C10orf143: variants seen among roughly 807,000 people sequenced by gnomAD.
C10orf143 encodes chromosome 10 open reading frame 143, also known as uncharacterized protein C10orf143.
At chr10:130,043,610 G>T (rs1266292715) in intron 3 of C10orf143, among the ~76,000 whole-genome samples, 4 of 152,182 alleles carry the variant, frequency 2.6e-5, no homozygotes, top group South Asian at 4.1e-4. Context: ...CAAGGGGCAG[G>T]TTGGGGGAAC....
At chr10:130,039,927 C>G (rs766624116) in intron 3 of C10orf143, among the ~76,000 whole-genome samples, 5 of 152,156 alleles carry the variant, frequency 3.3e-5, no homozygotes, top group Non-Finnish European at 7.3e-5. Context: ...CAGCAATGTG[C>G]AGGGTTTGGG....
downstream of C10orf143, among the ~76,000 whole-genome samples, chr10:130,061,735 T>C (rs2134741939): frequency 6.6e-6 from 1 of 152,344 alleles, no homozygotes; most frequent in South Asian, 2.1e-4. Flanking sequence ...CATGGGTGCA[T>C]CAAGACCCAG....
At chr10:130,104,279 T>C (rs959408560) in intron 1 of C10orf143, 5 of 150,398 alleles carry the variant, frequency 3.3e-5, no homozygotes, top group African/African-American at 1.3e-4. Context: ...CTATGACACA[T>C]GTGACCACGC....
intron 1 of C10orf143, among the ~76,000 whole-genome samples, chr10:130,085,337 G>A (rs773422058): frequency 6.6e-6 from 1 of 152,148 alleles, no homozygotes; most frequent in Non-Finnish European, 1.5e-5. Flanking sequence ...GCAGTAATGG[G>A]ACACAATACC....
intron 1 of C10orf143, among the ~76,000 whole-genome samples, chr10:130,100,229 G>C (rs1427853033): frequency 6.6e-6 from 1 of 151,930 alleles, no homozygotes; most frequent in Non-Finnish European, 1.5e-5. Flanking sequence ...TGCATGAACT[G>C]ACCAAAAATG....
intron 1 of C10orf143, among the ~76,000 whole-genome samples, chr10:130,084,079 G>A (rs1021032193): frequency 2.0e-5 from 3 of 152,172 alleles, no homozygotes; most frequent in Non-Finnish European, 4.4e-5. Context: ...GGGAGGCCAA[G>A]GTGGGCAGAT....
At chr10:130,107,728 G>A (rs1383723229) in intron 1 of C10orf143, 1 of 1,239,892 alleles carries the variant, frequency 8.1e-7, no homozygotes, top group Non-Finnish European at 1.2e-6. Flanking sequence ...GAGGCCCAGG[G>A]AATCCTCTGG....
intron 3 of C10orf143, among the ~76,000 whole-genome samples, chr10:130,072,986 G>A (rs910804391): frequency 1.3e-5 from 2 of 152,184 alleles, no homozygotes; most frequent in Admixed American, 6.5e-5. Context: ...ACAATAAAGT[G>A]AAGTGCAATA....
At chr10:130,088,249 T>C (rs1411061021) in intron 1 of C10orf143, among the ~76,000 whole-genome samples, 3 of 152,088 alleles carry the variant, frequency 2.0e-5, no homozygotes, top group Non-Finnish European at 4.4e-5. Context: ...CCAGGCGTGG[T>C]GGCACGTGCC....
intron 1 of C10orf143, 150 bp downstream of exon 1, chr10:130,110,554 C>T: frequency 2.5e-6 from 1 of 394,964 alleles, no homozygotes; most frequent in Admixed American, 4.4e-5. Flanking sequence ...TCACTGGCCA[C>T]GCCCTCCCAG....
downstream of C10orf143, among the ~76,000 whole-genome samples, chr10:130,059,125 A>G (rs762545270): frequency 1.3e-5 from 2 of 152,216 alleles, no homozygotes; most frequent in African/African-American, 2.4e-5. Flanking sequence ...ACCCTCCAGA[A>G]AGTTGTAGCT....
intron 3 of C10orf143, among the ~76,000 whole-genome samples, chr10:130,055,489 C>T (rs1024865243): frequency 8.5e-5 from 13 of 152,194 alleles, no homozygotes; most frequent in Non-Finnish European, 1.6e-4. Flanking sequence ...GGGTCATTTT[C>T]GATCATCAAC....
At chr10:130,041,749 A>G (rs563665555) in intron 3 of C10orf143, among the ~76,000 whole-genome samples, 4 of 152,324 alleles carry the variant, frequency 2.6e-5, no homozygotes, top group African/African-American at 9.6e-5. Context: ...CATAGGAAAC[A>G]CTTTCAGGAC....
intron 1 of C10orf143, among the ~76,000 whole-genome samples, chr10:130,083,364 T>C (rs1479949195): frequency 6.6e-6 from 1 of 152,204 alleles, no homozygotes; most frequent in Non-Finnish European, 1.5e-5. Context: ...AATACAAAGC[T>C]ATATGCACAT....
chr10:130,101,883 A>C (rs1466222294), intron 1 of C10orf143, among the ~76,000 whole-genome samples: 2 of 143,826 alleles, frequency 1.4e-5, no homozygotes, highest in South Asian at 4.4e-4. Context: ...AAAAAAAAAA[A>C]AACTTTTTCA....
intron 3 of C10orf143, among the ~76,000 whole-genome samples, chr10:130,078,110 G>A (rs965589279): frequency 6.6e-6 from 1 of 152,118 alleles, no homozygotes; most frequent in Non-Finnish European, 1.5e-5. Flanking sequence ...GCAAGCTTGG[G>A]GAATTACAAA....
At chr10:130,037,196 T>C (rs894032852) in intron 3 of C10orf143, among the ~76,000 whole-genome samples, 3 of 152,168 alleles carry the variant, frequency 2.0e-5, no homozygotes, top group African/African-American at 7.2e-5. Context: ...TGGGAGGAGA[T>C]GGGTGAGCAA....
At chr10:130,103,263 G>A (rs938251401) in intron 1 of C10orf143, among the ~76,000 whole-genome samples, 8 of 152,144 alleles carry the variant, frequency 5.3e-5, no homozygotes, top group African/African-American at 1.9e-4. Context: ...CAGGTGTTGA[G>A]CTACCACGCA....
intron 3 of C10orf143, among the ~76,000 whole-genome samples, chr10:130,043,944 G>A (rs2134725055): frequency 6.6e-6 from 1 of 152,290 alleles, no homozygotes; most frequent in Non-Finnish European, 1.5e-5. Flanking sequence ...TAGGGTTGGG[G>A]CTCAGCCTGG....
Sources: allele counts gnomAD v4.1 joint callset (sites outside exome capture counted in the v4.1 genomes callset), GRCh38; gene constraint gnomAD v4.1.1; transcripts MANE v1.5; gene names NCBI Gene and HGNC (gene_info 2026-07-23, HGNC 2026-07-21).